The following C10orf90 variants were observed in gnomAD, a reference collection of about 807,000 sequenced individuals.
C10orf90 encodes the protein chromosome 10 open reading frame 90.
Under a neutral mutation model 62.5 loss-of-function variants are expected in C10orf90, and 56 were observed. That is an observed-to-expected ratio of 0.90 (90% CI 0.72 to 1.12). The LOEUF is 1.12. Among genes scored for constraint, C10orf90 ranks in the 50% most tolerant of loss-of-function variants. The pLI, the probability that C10orf90 is intolerant of heterozygous loss-of-function variation, is 0.00. For missense variants in C10orf90, 970 were observed against 880.4 expected, an observed-to-expected ratio of 1.10 and a Z score of -1.29; for synonymous variants, 386 against 340.4, an observed-to-expected ratio of 1.13 and a Z score of -1.47.
chr10:126,548,865 C>A (rs1864565695), intron 2 of C10orf90, among the ~76,000 whole-genome samples: 1 of 151,362 alleles, frequency 6.6e-6, no homozygotes, highest in African/African-American at 2.4e-5. Context: ...AGAAATAGAT[C>A]CACATAAATA....
At chr10:126,633,340 C>T (rs1845887023) in intron 2 of C10orf90, among the ~76,000 whole-genome samples, 1 of 152,238 alleles carries the variant, frequency 6.6e-6, no homozygotes, top group Non-Finnish European at 1.5e-5. Flanking sequence ...GAGCAGCACA[C>T]AGGAGCTGTG....
chr10:126,515,019 A>C (rs1401971109), intron 2 of C10orf90, among the ~76,000 whole-genome samples: 1 of 152,258 alleles, frequency 6.6e-6, no homozygotes, highest in African/African-American at 2.4e-5. Flanking sequence ...ATGAGAAAGA[A>C]GAGATTTATG....
At chr10:126,565,124 A>AT in intron 2 of C10orf90, among the ~76,000 whole-genome samples, 1 of 33,456 alleles carries the variant, frequency 3.0e-5, no homozygotes, top group African/African-American at 1.5e-4. Context: ...ATTATATAAT[A>AT]TATAATATAA....
At chr10:126,615,524 A>T in intron 2 of C10orf90, among the ~76,000 whole-genome samples, 1 of 152,236 alleles carries the variant, frequency 6.6e-6, no homozygotes, top group East Asian at 1.9e-4. Flanking sequence ...ATAAAAATAC[A>T]AAATCTTAAC....
intron 3 of C10orf90, among the ~76,000 whole-genome samples, chr10:126,507,675 C>A (rs1862835734): frequency 6.6e-6 from 1 of 152,084 alleles, no homozygotes. Flanking sequence ...CAGTTGTCAG[C>A]CCAGGGTTCA....
intron 2 of C10orf90, among the ~76,000 whole-genome samples, chr10:126,573,242 A>C (rs1369834200): frequency 6.6e-6 from 1 of 152,158 alleles, no homozygotes; most frequent in Non-Finnish European, 1.5e-5. Context: ...ATGCACCTGC[A>C]CTGGTAATTA....
At chr10:126,447,741 G>A (rs1422760879) in intron 7 of C10orf90, among the ~76,000 whole-genome samples, 1 of 152,170 alleles carries the variant, frequency 6.6e-6, no homozygotes, top group Non-Finnish European at 1.5e-5. Flanking sequence ...TTCTTCTCAA[G>A]TGTACATAGA....
chr10:126,602,091 T>C (rs1845210027), intron 2 of C10orf90, among the ~76,000 whole-genome samples: 1 of 152,146 alleles, frequency 6.6e-6, no homozygotes, highest in Admixed American at 6.5e-5. Context: ...GCACAGTCTG[T>C]CCCTCCCAAT....
At chr10:126,642,311 T>C (rs1846076006) in intron 2 of C10orf90, among the ~76,000 whole-genome samples, 4 of 152,096 alleles carry the variant, frequency 2.6e-5, no homozygotes, top group Non-Finnish European at 5.9e-5. Context: ...GGTGGGCAGA[T>C]CACGAGGTCG....
chr10:126,518,793 C>T (rs2133933857), intron 2 of C10orf90, among the ~76,000 whole-genome samples: 1 of 152,278 alleles, frequency 6.6e-6, no homozygotes, highest in African/African-American at 2.4e-5. Flanking sequence ...ACCACACATC[C>T]AAAACCATTC....
chr10:126,626,995 C>CT (rs1564898637), intron 2 of C10orf90, among the ~76,000 whole-genome samples: 2 of 109,548 alleles, frequency 1.8e-5, no homozygotes, highest in East Asian at 2.4e-4. Flanking sequence ...TTTTCTTTTT[C>CT]TTTTCTTTTT....
In C10orf90 at chr10:126,445,461, G is replaced by T. The variant is rs112004696; in HGVS notation, c.2188+13579C>A. On this transcript the variant is annotated intron_variant, in intron 7 of 9. Coordinates refer to ENST00000488181, the MANE Select transcript of C10orf90 (RefSeq NM_001350921.2). ...GGGAAATGCAAATAAAAACCACAAT[G>T]TGATACCACCTTACTTCTGCAAGAA... is the stretch of plus-strand genomic sequence containing the variant. Among the ~76,000 whole-genome samples, 78 of 152,224 alleles carry T rather than the reference G, an allele frequency of 5.1e-4. 1 individual carries two copies. The highest frequency in any genetic ancestry group is 1.8e-3 in the African/African-American group (75 of 41,550).
At chr10:126,449,598 C>T (rs1859036195) in intron 7 of C10orf90, among the ~76,000 whole-genome samples, 1 of 152,156 alleles carries the variant, frequency 6.6e-6, no homozygotes, top group Non-Finnish European at 1.5e-5. Flanking sequence ...GAACTCACCT[C>T]TGCAGATGAC....
In C10orf90 at chr10:126,504,743, C is replaced by T. The variant is rs78112769; in HGVS notation, c.748G>A (p.Ala250Thr). ...TARRVGPPAR[A>T]LVWGTAGDSL... ...TCCCCAGCAGTCCCCCACACCAGGG[C>T]GCGGGCTGGGGGGCCCACGCGTCTG... The change falls in exon 4 of 10, where the codon GCC (alanine) becomes ACC (threonine). Residue 250 changes from alanine (A) to threonine (T), a missense_variant. Transcript: ENST00000488181. The surrounding 1 kb of genome is among the most constrained non-coding windows in gnomAD (Gnocchi z 4.1). 2.5e-3 allele frequency: 4,043 copies of T among 1,595,818 alleles called. 75 individuals carry two copies. In the African/African-American group the frequency reaches 0.048, roughly 19 times the overall value.
Position 126,464,721 on chromosome 10 carries a change from A to G in C10orf90, c.1800T>C (p.Val600=). 6.2e-7 allele frequency: 1 copy of G among 1,611,502 alleles called. No individual in the cohort carries two copies. The highest frequency in any genetic ancestry group is 8.5e-7 in the Non-Finnish European group (1 of 1,177,988). The change falls in exon 5 of 10, where the codon GTT becomes GTC. Residue 600 remains valine (V), a synonymous_variant. Coordinates refer to ENST00000488181, the MANE Select transcript of C10orf90 (RefSeq NM_001350921.2). ...VCASLQEDNG[V]QIESKFPKGD... ...CTTTGGGGAACTTGCTTTCTATCTGAACACCATTGTCTTCCTGCAGAGATG... is the reference window on the plus strand; with the variant it reads ...CTTTGGGGAACTTGCTTTCTATCTGGACACCATTGTCTTCCTGCAGAGATG...
rs377450688 is a variant in C10orf90 at position 126,490,690 on chromosome 10, C to T, written c.1534+13267G>A. Among the ~76,000 whole-genome samples, 60 of 152,166 alleles carry T rather than the reference C, an allele frequency of 3.9e-4. No homozygotes were observed. In the East Asian group the frequency reaches 9.4e-3, roughly 24 times the overall value. On this transcript the variant is annotated intron_variant, in intron 4 of 9. Transcript: ENST00000488181. ...AGAAAGAACTAGGCATAAAAGGAAA[C>T]TTCCTCAACCTGGTAAATTCTCTCT...
At position 126,492,327 on chromosome 10, in the gene C10orf90, C is replaced by T. The variant is rs192363649; in HGVS notation, c.1534+11630G>A. On this transcript the variant is annotated intron_variant, in intron 4 of 9. Coordinates refer to ENST00000488181, the MANE Select transcript of C10orf90 (RefSeq NM_001350921.2). Reference sequence around the variant, plus strand: ...AGCATCCTTCAGTGAAAAGGACAGCCGCCCATAATGAAGACTTATCCAGCC... The same window carrying T: ...AGCATCCTTCAGTGAAAAGGACAGCTGCCCATAATGAAGACTTATCCAGCC... 1.2e-4 allele frequency among the ~76,000 whole-genome samples: 19 copies of T among 152,174 alleles called. No individual in the cohort carries two copies. The East Asian group carries it at 2.5e-3, about 20-fold the overall frequency.
At chr10:126,519,618 A>T (rs1003203983) in intron 2 of C10orf90, among the ~76,000 whole-genome samples, 6 of 152,228 alleles carry the variant, frequency 3.9e-5, no homozygotes, top group Non-Finnish European at 8.8e-5. Context: ...CCTTTTAAAA[A>T]TACTCTCTGT....
At chr10:126,576,600 T>C (rs1264180115) in intron 2 of C10orf90, among the ~76,000 whole-genome samples, 1 of 151,172 alleles carries the variant, frequency 6.6e-6, no homozygotes, top group African/African-American at 2.4e-5. Context: ...AAACAGTATA[T>C]TGAAAAGACA....
Sources: allele counts gnomAD v4.1 joint callset (sites outside exome capture counted in the v4.1 genomes callset), GRCh38; gene constraint gnomAD v4.1.1; non-coding constraint Gnocchi (gnomAD v3.1); transcripts MANE v1.5; gene names NCBI Gene and HGNC (gene_info 2026-07-23, HGNC 2026-07-21).